FRYL: variants seen among roughly 807,000 people sequenced by gnomAD.
FRYL encodes the protein FRY like transcription coactivator.
A neutral mutation model predicts 351.2 loss-of-function variants in FRYL; 150 were observed. That is an observed-to-expected ratio of 0.43 (90% CI 0.37 to 0.49). The LOEUF (loss-of-function observed/expected upper bound fraction) is 0.49, where lower values mean the gene tolerates loss of function less well. Among genes scored for constraint, FRYL ranks in the 20% least tolerant of loss-of-function variants. The pLI is 0.00. For synonymous variants in FRYL, 1,153 were observed against 1,257.1 expected (o/e 0.92, Z 1.75); for missense variants, 3,036 against 3,619.3 (o/e 0.84, Z 4.13).
intron 25 of FRYL, chr4:48,574,320 T>G (rs542658981): frequency 2.0e-5 from 3 of 152,178 alleles, no homozygotes; most frequent in African/African-American, 4.8e-5. Flanking sequence ...TAAATCCTAT[T>G]TTTTTCAATT....
chr4:48,652,856 C>A (rs763577659), intron 3 of FRYL, among the ~76,000 whole-genome samples: 18 of 152,248 alleles, frequency 1.2e-4, no homozygotes, highest in Admixed American at 3.3e-4. Context: ...CAAAAACAAC[C>A]AGGTTCTATT....
At chr4:48,617,062 T>C (rs908494280) in intron 7 of FRYL, among the ~76,000 whole-genome samples, 1 of 152,190 alleles carries the variant, frequency 6.6e-6, no homozygotes, top group Non-Finnish European at 1.5e-5. Context: ...GGATTTTAGA[T>C]GAATAAAGTG....
At chr4:48,775,857 T>TG (rs1197252487) in intron 1 of FRYL, among the ~76,000 whole-genome samples, 1 of 152,170 alleles carries the variant, frequency 6.6e-6, no homozygotes, top group Non-Finnish European at 1.5e-5. Context: ...AACATACTAG[T>TG]GGCAGCTTTG....
chr4:48,771,523 GTTC>G (rs777705459), intron 1 of FRYL, among the ~76,000 whole-genome samples: 2 of 152,206 alleles, frequency 1.3e-5, no homozygotes, highest in Admixed American at 6.5e-5. Flanking sequence ...AGGAAAAACA[GTTC>G]TTCTCCATCC....
Position 48,515,234 on chromosome 4 carries a change from A to G in FRYL, c.7731T>C (p.Phe2577=), listed in dbSNP as rs1199193409. 6.2e-7 allele frequency: 1 copy of G among 1,611,556 alleles called. No homozygotes were observed. The highest frequency in any genetic ancestry group is 2.2e-5 in the East Asian group (1 of 44,858). Residue 2577 remains phenylalanine (F), a synonymous_variant, in exon 56 of 64, where the codon TTT becomes TTC. Transcript: ENST00000358350. ...SVLKEEHVTT[F]EDEGSYIIQE... ...GAATTATATAGGATCCTTCATCTTC[A>G]AAGGTTGTAACATGTTCCTCCTTTA... is the stretch of plus-strand genomic sequence containing the variant.
At position 48,766,058 on chromosome 4, in the gene FRYL, G is replaced by A. The variant is rs189236202; in HGVS notation, c.-384+14020C>T. Reference sequence around the variant, plus strand: ...AATGTAAATTGGTACAGTCATCTGGGAAAACAGTATGGAGGTTCCTCAAAA... The same window carrying A: ...AATGTAAATTGGTACAGTCATCTGGAAAAACAGTATGGAGGTTCCTCAAAA... On this transcript the variant is annotated intron_variant, in intron 1 of 63. Transcript: ENST00000358350. Among the ~76,000 whole-genome samples, 47 of 152,310 alleles carry A rather than the reference G, an allele frequency of 3.1e-4. No homozygotes were observed. In the East Asian group the frequency reaches 9.1e-3, roughly 29 times the overall value.
chr4:48,731,308 T>C (rs1394106037), intron 1 of FRYL, among the ~76,000 whole-genome samples: 1 of 152,136 alleles, frequency 6.6e-6, no homozygotes, highest in Non-Finnish European at 1.5e-5. Context: ...TGGAAAAACA[T>C]TCGACGCTCA....
At chr4:48,594,892 C>T (rs1373537117) in intron 15 of FRYL, among the ~76,000 whole-genome samples, 8 of 152,216 alleles carry the variant, frequency 5.3e-5, no homozygotes, top group African/African-American at 9.6e-5. Flanking sequence ...CTCTAATAAT[C>T]CTTCCTTTAC....
At chr4:48,767,235 A>T (rs1316658669) in intron 1 of FRYL, among the ~76,000 whole-genome samples, 1 of 152,070 alleles carries the variant, frequency 6.6e-6, no homozygotes, top group Non-Finnish European at 1.5e-5. Flanking sequence ...CCGCCTTCAC[A>T]TGGCCAGTAG....
At chr4:48,594,091 CA>C in intron 15 of FRYL, 75 bp from the exon 16 acceptor site, 1 of 789,118 alleles carries the variant, frequency 1.3e-6, no homozygotes, top group Non-Finnish European at 1.9e-6. Context: ...ATATAATATA[CA>C]ATGACAACAA....
At position 48,579,122 on chromosome 4, in the gene FRYL, A is replaced by T. The variant is rs1740300964; in HGVS notation, c.2379T>A (p.His793Gln). ...ISPSHIWIFA[H>Q]VTQGQDPWII... ...TCCATGGGTCTTGGCCTTGGGTCACATGTGCAAATATCCATATATGTGATG... is the reference window on the plus strand; with the variant it reads ...TCCATGGGTCTTGGCCTTGGGTCACTTGTGCAAATATCCATATATGTGATG... Residue 793 changes from histidine to glutamine, a missense_variant, in exon 23 of 64, where the codon CAT becomes CAA. His to Gln is a conservative substitution (Grantham distance 24). Around this residue, in one of 7 missense-constraint regions of FRYL, gnomAD observed 492 missense variants for 551.5 expected, o/e 0.89. Coordinates refer to ENST00000358350, the MANE Select transcript of FRYL (RefSeq NM_015030.2). The T allele has an allele frequency of 3.7e-6, 6 of 1,613,982 alleles. No individual in the cohort carries two copies. The South Asian group carries it at 6.6e-5, about 18-fold the overall frequency.
intron 59 of FRYL, among the ~76,000 whole-genome samples, chr4:48,507,720 G>T (rs947394770): frequency 6.9e-6 from 1 of 144,148 alleles, no homozygotes; most frequent in Admixed American, 7.3e-5. Flanking sequence ...ATAGATGATA[G>T]ATAGATAGAT....
intron 35 of FRYL, among the ~76,000 whole-genome samples, chr4:48,555,990 G>A (rs1427522007): frequency 6.6e-6 from 1 of 152,162 alleles, no homozygotes; most frequent in Non-Finnish European, 1.5e-5. Context: ...TGCCTCCTGG[G>A]CTCAAGCAAT....
rs534043298 is a variant in FRYL, at chr4:48,739,427, A to T, written c.-383-28729T>A. On this transcript the variant is annotated intron_variant, in intron 1 of 63. Transcript: ENST00000358350. The stretch of plus-strand genomic sequence containing the variant: ...AAAAAAAAAAAAAAAAAAAACAACT[A>T]ATCTTTGAAAATGGAGCAAAGGCAA... 3.3e-5 allele frequency among the ~76,000 whole-genome samples: 5 copies of T among 150,156 alleles called. No individual in the cohort carries two copies. In the South Asian group the frequency reaches 6.3e-4, roughly 19 times the overall value.
At position 48,581,448 on chromosome 4, in the gene FRYL, GC is replaced by G. The variant is rs1740883136; in HGVS notation, c.2143del (p.Ala715LeufsTer15). The G allele has an allele frequency of 6.2e-7, 1 of 1,608,232 alleles. No individual in the cohort carries two copies. Among genetic ancestry groups the G allele is most frequent in the African/African-American group, 1.3e-5 (1 of 74,518 alleles). On this transcript the variant is annotated frameshift_variant, in exon 21 of 64. Coordinates refer to ENST00000358350, the MANE Select transcript of FRYL (RefSeq NM_015030.2). LOFTEE classifies it high-confidence loss of function. ...AGGTATTTCCAGAAGTGCAAATAAA[GC>G]CCGTATTTCTCTAAGGACACTGACG... is the stretch of plus-strand genomic sequence containing the variant. ...LAVSVLREIR[A>X]LFALLEIPKG...
intron 7 of FRYL, among the ~76,000 whole-genome samples, chr4:48,616,176 C>A (rs1285263526): frequency 6.6e-6 from 1 of 151,432 alleles, no homozygotes; most frequent in African/African-American, 2.4e-5. Context: ...ATGTAAAAAA[C>A]CTGCATGTGC....
At position 48,549,184 on chromosome 4, in the gene FRYL, C is replaced by T. The variant is rs1486564186; in HGVS notation, c.4784+289G>A. On this transcript the variant is annotated intron_variant, in intron 39 of 63. Transcript: ENST00000358350. This position sits in a 1 kb window ranked among gnomAD's most constrained non-coding sequence, Gnocchi z 4.2. ...CTCGATGCAAAATAATAGTGCCTAC[C>T]ATAGGAAAGTCATATTTTTCAGATG... Among the ~76,000 whole-genome samples, 9 of 152,048 alleles carry T rather than the reference C, an allele frequency of 5.9e-5. No individual in the cohort carries two copies. The highest frequency in any genetic ancestry group is 2.2e-4 in the African/African-American group (9 of 41,376).
In FRYL at chr4:48,603,383, A is replaced by C; in HGVS notation, c.840T>G (p.Val280=). The C allele has an allele frequency of 6.3e-7, 1 of 1,591,568 alleles. No homozygotes were observed. Among genetic ancestry groups the C allele is most frequent in the Non-Finnish European group, 8.6e-7 (1 of 1,161,684 alleles). The change falls in exon 12 of 64, where the codon GTT becomes GTG. Residue 280 remains valine (V), a synonymous_variant. Coordinates refer to ENST00000358350, the MANE Select transcript of FRYL (RefSeq NM_015030.2). ...VEILIPVAAA[V]KNEVNVPCLK... ...AACAGGGAACATTCACTTCATTTTT[A>C]ACAGCCTAGTAAAAAGATAATGCAA...
chr4:48,582,468 C>T lies in FRYL; in HGVS notation c.1986+29G>A, dbSNP rs140321427. ...TTGGTCATTTAGCACTGACCACATA[C>T]AAAAGGACAATAGAAAAGAATCTGG... On this transcript the variant is annotated intron_variant, in intron 20 of 63. Transcript: ENST00000358350. 6 of 1,436,534 alleles carry T rather than the reference C, an allele frequency of 4.2e-6. No homozygotes were observed. In the African/African-American group the frequency reaches 4.2e-5, roughly 10 times the overall value. 89.0% of individuals were successfully genotyped at this position (1,436,534 alleles called of 1,614,324 possible). A position where few individuals can be genotyped will look rare whatever the true frequency, so the allele number is the denominator to read the frequency against.
Sources: allele counts gnomAD v4.1 joint callset (sites outside exome capture counted in the v4.1 genomes callset), GRCh38; gene constraint gnomAD v4.1.1; regional missense constraint gnomAD v4.1.1; non-coding constraint Gnocchi (gnomAD v3.1); transcripts MANE v1.5; gene names NCBI Gene and HGNC (gene_info 2026-07-23, HGNC 2026-07-21).